Variants in CSTF3 observed in about 807,000 individuals in gnomAD.
CSTF3 encodes CF-1 77 kDa subunit.
In CSTF3, 29 loss-of-function variants were observed where a neutral mutation model predicts 105.8. The observed-to-expected ratio is 0.27, with a 90% CI of 0.20 to 0.37. CSTF3 has a LOEUF of 0.37. Ranked by LOEUF, CSTF3 falls within the 10% of genes least tolerant of loss-of-function variation. The pLI is 1.00. For missense variants in CSTF3, 357 were observed against 879.3 expected (o/e 0.41, Z 7.51); for synonymous variants, 252 against 281.9 (o/e 0.89, Z 1.06).
rs769999645 is a variant in CSTF3, at chr11:33,092,326, G to A, written c.1390C>T (p.Arg464Ter). Residue 464 changes from arginine (R) to a stop codon, truncating the protein, a stop_gained, in exon 16 of 21, where the codon CGA (arginine) becomes TGA (stop). Coordinates refer to ENST00000323959, the MANE Select transcript of CSTF3 (RefSeq NM_001326.3). LOFTEE classifies it high-confidence loss of function. ...GTTAAAACTCGTTCAAACAAAACTCGGGTATTATTGTCCTCTAGGATATTG... is the reference window on the plus strand; with the variant it reads ...GTTAAAACTCGTTCAAACAAAACTCAGGTATTATTGTCCTCTAGGATATTG... ...LSHLNEDNNT[R>*]VLFERVLTSG... The A allele has an allele frequency of 6.3e-7, 1 of 1,597,664 alleles. No homozygotes were observed. The highest frequency in any genetic ancestry group is 8.5e-7 in the Non-Finnish European group (1 of 1,173,388).
In CSTF3 at chr11:33,161,290, C is replaced by T. The variant is rs1256833890; in HGVS notation, c.27+9G>A. 4.3e-6 allele frequency: 7 copies of T among 1,613,224 alleles called. No individual in the cohort carries two copies. Among genetic ancestry groups the T allele is most frequent in the South Asian group, 1.1e-5 (1 of 91,092 alleles). ...GTCGCCACGAGGCCCCACCACTCTC[C>T]TTCCTCACCTGCTCCGTGGCTCCGT... On this transcript the variant is annotated intron_variant, in intron 1 of 20. Coordinates refer to ENST00000323959, the MANE Select transcript of CSTF3 (RefSeq NM_001326.3).
intron 3 of CSTF3, among the ~76,000 whole-genome samples, chr11:33,124,683 AAAT>A (rs1350884224): frequency 6.6e-6 from 1 of 152,194 alleles, no homozygotes; most frequent in African/African-American, 2.4e-5. Context: ...GATACTTAAT[AAAT>A]GAGCTTGTAA....
intron 1 of CSTF3, among the ~76,000 whole-genome samples, chr11:33,149,641 T>A (rs559616674): frequency 6.6e-6 from 1 of 152,290 alleles, no homozygotes; most frequent in African/African-American, 2.4e-5. Context: ...CCCAGTACTT[T>A]GGAAGGCCGA....
At chr11:33,145,786 C>G (rs1855774530) in intron 1 of CSTF3, among the ~76,000 whole-genome samples, 1 of 151,992 alleles carries the variant, frequency 6.6e-6, no homozygotes, top group South Asian at 2.1e-4. Context: ...TGCACTCCAG[C>G]CTGCATGACA....
In CSTF3 at chr11:33,126,248, C is replaced by A. The variant is rs532974751; in HGVS notation, c.225+15419G>T. Among the ~76,000 whole-genome samples, 4 of 152,136 alleles carry A rather than the reference C, an allele frequency of 2.6e-5. No individual in the cohort carries two copies. The South Asian group carries it at 6.2e-4, about 24-fold the overall frequency. ...GCTGAGGCGGGAGGATTGCTTGAGC[C>A]CGAGTTCAAGACTAGGCTGGGCAAC... On this transcript the variant is annotated intron_variant, in intron 3 of 20. Coordinates refer to ENST00000323959, the MANE Select transcript of CSTF3 (RefSeq NM_001326.3).
At chr11:33,128,136 T>C (rs947386677) in intron 3 of CSTF3, among the ~76,000 whole-genome samples, 1 of 152,134 alleles carries the variant, frequency 6.6e-6, no homozygotes. Context: ...GGTAAAAACA[T>C]TTCTAGGAAT....
At chr11:33,096,559 C>G (rs957056978) in intron 14 of CSTF3, 151 bp from the exon 15 acceptor site, 2 of 650,938 alleles carry the variant, frequency 3.1e-6, no homozygotes, top group Non-Finnish European at 5.2e-6. Flanking sequence ...GAGCTAGAAA[C>G]TATTCAAAGG....
At chr11:33,098,582 A>G in intron 13 of CSTF3, 108 bp downstream of exon 13, 1 of 673,604 alleles carries the variant, frequency 1.5e-6, no homozygotes. Context: ...TGTCAAGATT[A>G]ATAGAACTAT....
chr11:33,097,378 T>G (rs962674359), intron 13 of CSTF3, among the ~76,000 whole-genome samples: 2 of 151,296 alleles, frequency 1.3e-5, no homozygotes, highest in African/African-American at 4.8e-5. Context: ...CAATACATGT[T>G]TTTTTTTTTG....
chr11:33,107,011 C>A (rs777056174), intron 5 of CSTF3, among the ~76,000 whole-genome samples: 3 of 152,092 alleles, frequency 2.0e-5, no homozygotes, highest in Non-Finnish European at 4.4e-5. Flanking sequence ...TGGTTTATGC[C>A]TGTAATTCCA....
At chr11:33,116,839 T>C (rs1204166391) in intron 3 of CSTF3, among the ~76,000 whole-genome samples, 1 of 151,856 alleles carries the variant, frequency 6.6e-6, no homozygotes, top group East Asian at 1.9e-4. Context: ...CTGTCATCCT[T>C]AAGTGGGGTA....
intron 1 of CSTF3, among the ~76,000 whole-genome samples, chr11:33,161,091 T>C (rs1363814931): frequency 6.6e-6 from 1 of 152,110 alleles, no homozygotes; most frequent in Non-Finnish European, 1.5e-5. Flanking sequence ...AAATCAAGTA[T>C]TTACTCGTAT....
At chr11:33,143,883 G>A (rs1414483236) in intron 1 of CSTF3, among the ~76,000 whole-genome samples, 9 of 151,444 alleles carry the variant, frequency 5.9e-5, no homozygotes, top group African/African-American at 1.7e-4. Context: ...CCAGCTACTC[G>A]GGAGGCTAAA....
At chr11:33,132,841 A>C (rs991645748) in intron 3 of CSTF3, among the ~76,000 whole-genome samples, 1 of 152,098 alleles carries the variant, frequency 6.6e-6, no homozygotes, top group African/African-American at 2.4e-5. Context: ...GAAAGATGGC[A>C]TTATTTTTAA....
At chr11:33,135,891 T>C (rs1228569303) in intron 3 of CSTF3, among the ~76,000 whole-genome samples, 2 of 152,130 alleles carry the variant, frequency 1.3e-5, no homozygotes, top group African/African-American at 4.8e-5. Flanking sequence ...GAACATGTTC[T>C]GTCACATGAA....
At chr11:33,159,713 T>C (rs532846775) in intron 1 of CSTF3, among the ~76,000 whole-genome samples, 12 of 151,504 alleles carry the variant, frequency 7.9e-5, no homozygotes, top group African/African-American at 1.2e-4. Context: ...GTCGAAGCTA[T>C]GGTGAGCTGT....
chr11:33,128,398 T>C (rs1257869009), intron 3 of CSTF3, among the ~76,000 whole-genome samples: 6 of 152,070 alleles, frequency 3.9e-5, no homozygotes, highest in African/African-American at 1.4e-4. Context: ...ACATGTAATT[T>C]TTTTTTTTGA....
chr11:33,136,449 A>G (rs1412017040), intron 3 of CSTF3, among the ~76,000 whole-genome samples: 3 of 152,062 alleles, frequency 2.0e-5, no homozygotes, highest in South Asian at 2.1e-4. Context: ...GTCACTGGTA[A>G]TATTTTAGAC....
intron 1 of CSTF3, among the ~76,000 whole-genome samples, chr11:33,148,628 A>G (rs1471048299): frequency 6.6e-6 from 1 of 151,848 alleles, no homozygotes; most frequent in Non-Finnish European, 1.5e-5. Context: ...CCTGGGAAGC[A>G]GAGGTTGCAG....
Sources: allele counts gnomAD v4.1 joint callset (sites outside exome capture counted in the v4.1 genomes callset), GRCh38; gene constraint gnomAD v4.1.1; transcripts MANE v1.5; gene names NCBI Gene and HGNC (gene_info 2026-07-23, HGNC 2026-07-21).